Variants in RCOR2 observed in about 807,000 individuals in gnomAD.
The protein encoded by RCOR2 is REST corepressor 2.
A neutral mutation model predicts 58.9 loss-of-function variants in RCOR2; 19 were observed. That is an observed-to-expected ratio of 0.32 (90% CI 0.23 to 0.47). The LOEUF is 0.47. RCOR2 is among the 20% of genes least tolerant of loss of function. RCOR2 has a pLI of 1.00. For missense variants in RCOR2, 590 were observed against 707.9 expected, an observed-to-expected ratio of 0.83 and a Z score of 1.89; for synonymous variants, 286 against 278.7, an observed-to-expected ratio of 1.03 and a Z score of -0.26.
Position 63,911,895 on chromosome 11 carries a change from G to C in RCOR2, c.1542C>G (p.Thr514=), listed in dbSNP as rs1417732854. 7.1e-7 allele frequency: 1 copy of C among 1,399,142 alleles called. No individual in the cohort carries two copies. Among genetic ancestry groups the C allele is most frequent in the Admixed American group, 2.9e-5 (1 of 33,936 alleles). 86.7% of individuals were successfully genotyped at this position (1,399,142 alleles called of 1,614,324 possible). The change falls in exon 12 of 12, where the codon ACC becomes ACG. Residue 514 remains threonine (T), a synonymous_variant. Coordinates refer to ENST00000301459, the MANE Select transcript of RCOR2 (RefSeq NM_173587.4). ...GTGAGGGTGCTGGGGGCTCCAGAGGGGTTCCAATCAGGGTGGGTGGGGGCT... is the reference window on the plus strand; with the variant it reads ...GTGAGGGTGCTGGGGGCTCCAGAGGCGTTCCAATCAGGGTGGGTGGGGGCT... ...GPQPPPTLIG[T]PLEPPAPSL
rs1305677924 is a variant in RCOR2 at position 63,912,569 on chromosome 11, C to T, written c.1028-35G>A. ...TCAAAAGGGCAGCAGCGTCAATACCCCTTCGAACTAGTTACTTCCCTGACC... is the reference window on the plus strand; with the variant it reads ...TCAAAAGGGCAGCAGCGTCAATACCTCTTCGAACTAGTTACTTCCCTGACC... On this transcript the variant is annotated intron_variant, in intron 10 of 11. Coordinates refer to ENST00000301459, the MANE Select transcript of RCOR2 (RefSeq NM_173587.4). 3.8e-6 allele frequency: 6 copies of T among 1,594,590 alleles called. No individual in the cohort carries two copies. The Admixed American group carries it at 6.7e-5, about 18-fold the overall frequency.
rs1941804543 is a variant in RCOR2 at position 63,913,186 on chromosome 11, T to TA, written c.892-240_892-239insT. On this transcript the variant is annotated intron_variant, in intron 8 of 11. Coordinates refer to ENST00000301459, the MANE Select transcript of RCOR2 (RefSeq NM_173587.4). ...TTTATATATATATATATATATATAT[T>TA]TTTTTTTTTTTTTTTTTGAGAAGGA... Among the ~76,000 whole-genome samples, 21 of 66,292 alleles carry TA rather than the reference T, an allele frequency of 3.2e-4. 1 individual carries two copies. Among genetic ancestry groups the TA allele is most frequent in the African/African-American group, 1.0e-3 (21 of 20,878 alleles). 43.5% of individuals were successfully genotyped at this position (66,292 alleles called of 152,430 possible). A position where few individuals can be genotyped will look rare whatever the true frequency, so the allele number is the denominator to read the frequency against.
upstream of RCOR2, among the ~76,000 whole-genome samples, chr11:63,922,021 G>T (rs765307442): frequency 3.9e-5 from 6 of 152,200 alleles, no homozygotes; most frequent in Admixed American, 6.5e-5. Flanking sequence ...TCAAGAGTGG[G>T]TTAGTTATTG....
chr11:63,918,468 T>C (rs1941892051), upstream of RCOR2, among the ~76,000 whole-genome samples: 1 of 152,164 alleles, frequency 6.6e-6, no homozygotes, highest in Non-Finnish European at 1.5e-5. Context: ...GCGGCCACGT[T>C]GCCCGCCACA....
the RCOR2 span, among the ~76,000 whole-genome samples, chr11:63,924,855 A>AATTTT: frequency 7.0e-6 from 1 of 143,726 alleles, no homozygotes; most frequent in Admixed American, 7.0e-5. Context: ...AGCCAAGGTG[A>AATTTT]TTTTTTTTTT....
rs927381830 is a variant in RCOR2, at chr11:63,911,697, C to G, written c.*168G>C. ...GGCCCCAGGAGACAGGCCCAGCTGC[C>G]AGGAACACATGCAGAACCCAAAGGG... On this transcript the variant is annotated 3_prime_UTR_variant, in exon 12 of 12. Transcript: ENST00000301459. 12 of 1,144,728 alleles carry G rather than the reference C, an allele frequency of 1.0e-5. No individual in the cohort carries two copies. The African/African-American group carries it at 1.8e-4, about 17-fold the overall frequency. 70.9% of individuals were successfully genotyped at this position (1,144,728 alleles called of 1,614,324 possible). A position where few individuals can be genotyped will look rare whatever the true frequency, so the allele number is the denominator to read the frequency against.
chr11:63,914,345 G>T lies in RCOR2; in HGVS notation c.606-15C>A. ...CGAGCTCATCACTGCTGACACAGGG[G>T]CCAGGGAGGGAATGAGGCAGCTGCC... On this transcript the variant is annotated splice_polypyrimidine_tract_variant and intron_variant, in intron 6 of 11. Coordinates refer to ENST00000301459, the MANE Select transcript of RCOR2 (RefSeq NM_173587.4). The T allele has an allele frequency of 6.2e-7, 1 of 1,613,434 alleles. No homozygotes were observed. Among genetic ancestry groups the T allele is most frequent in the Non-Finnish European group, 8.5e-7 (1 of 1,180,006 alleles).
intron 2 of RCOR2, 135 bp from the exon 3 acceptor site, chr11:63,915,393 A>T: frequency 9.1e-7 from 1 of 1,097,134 alleles, no homozygotes; most frequent in Non-Finnish European, 1.4e-6. Flanking sequence ...GCAGAGACCC[A>T]GACAGGAAGG....
the RCOR2 span, among the ~76,000 whole-genome samples, chr11:63,926,489 C>CTCTTT: frequency 8.0e-5 from 11 of 137,836 alleles, no homozygotes; most frequent in Admixed American, 3.0e-4. Context: ...CTCTCTCTCT[C>CTCTTT]TTTTTTTTTT....
chr11:63,927,219 A>G, the RCOR2 span, among the ~76,000 whole-genome samples: 2 of 151,656 alleles, frequency 1.3e-5, no homozygotes, highest in Non-Finnish European at 2.9e-5. Flanking sequence ...CCCCCTCCCT[A>G]TCTCATCACT....
upstream of RCOR2, among the ~76,000 whole-genome samples, chr11:63,922,015 G>A (rs1465385286): frequency 1.3e-5 from 2 of 152,208 alleles, no homozygotes; most frequent in African/African-American, 4.8e-5. Flanking sequence ...ATTATCTCAA[G>A]AGTGGGTTAG....
At chr11:63,914,372 G>T in intron 6 of RCOR2, 42 bp from the exon 7 acceptor site, 1 of 1,613,238 alleles carries the variant, frequency 6.2e-7, no homozygotes, top group Non-Finnish European at 8.5e-7. Context: ...GCAGCTGCCA[G>T]GAGCTCTACC....
chr11:63,924,870 G>T, the RCOR2 span, among the ~76,000 whole-genome samples: 3 of 34,476 alleles, frequency 8.7e-5, no homozygotes, highest in East Asian at 1.2e-3. Context: ...TTTTTTTTGA[G>T]ATGGAGTTTC....
At chr11:63,926,721 C>T in the RCOR2 span, among the ~76,000 whole-genome samples, 152 of 151,588 alleles carry the variant, frequency 1.0e-3, no homozygotes, top group African/African-American at 3.3e-3. Flanking sequence ...CCTGACCTCA[C>T]GATCCACCCA....
At chr11:63,923,363 G>A in the RCOR2 span, among the ~76,000 whole-genome samples, 131 of 150,412 alleles carry the variant, frequency 8.7e-4, no homozygotes, top group African/African-American at 3.1e-3. Context: ...GTTCACCTTA[G>A]TTGCCCCTTT....
chr11:63,924,506 A>G, the RCOR2 span, among the ~76,000 whole-genome samples: 4 of 152,152 alleles, frequency 2.6e-5, no homozygotes, highest in East Asian at 7.7e-4. Flanking sequence ...GTCTCTCCCC[A>G]TTGGGATCCA....
At chr11:63,926,152 C>T in the RCOR2 span, among the ~76,000 whole-genome samples, 1 of 152,076 alleles carries the variant, frequency 6.6e-6, no homozygotes, top group South Asian at 2.1e-4. Flanking sequence ...CTCAGGTGAT[C>T]TGCCCTCCTC....
At chr11:63,919,266 G>C (rs1941900362), upstream of RCOR2, among the ~76,000 whole-genome samples, 1 of 152,092 alleles carries the variant, frequency 6.6e-6, no homozygotes, top group Non-Finnish European at 1.5e-5. Context: ...AGGGTTAGAA[G>C]GGGGAGGGGC....
chr11:63,927,749 C>A, the RCOR2 span, among the ~76,000 whole-genome samples: 85 of 152,212 alleles, frequency 5.6e-4, no homozygotes, highest in Non-Finnish European at 8.8e-4. Flanking sequence ...CCCTTCCTAA[C>A]TGCTCCCAGC....
Sources: gnomAD v4.1 joint callset for allele counts (sites outside exome capture counted in the v4.1 genomes callset) on GRCh38, gnomAD v4.1.1 for gene constraint, MANE v1.5 for transcripts, NCBI Gene and HGNC (gene_info 2026-07-23, HGNC 2026-07-21) for gene names.